The following CP variants were observed in gnomAD, a reference collection of about 807,000 sequenced individuals.
The protein encoded by CP is caeruloplasmin.
A neutral mutation model predicts 122.4 loss-of-function variants in CP; 64 were observed. That is an observed-to-expected ratio of 0.52 (90% CI 0.43 to 0.64). The LOEUF (loss-of-function observed/expected upper bound fraction) is 0.64, where lower values mean the gene tolerates loss of function less well. Among genes scored for constraint, CP ranks in the 30% least tolerant of loss-of-function variants. The pLI, the probability that CP is intolerant of heterozygous loss-of-function variation, is 0.00. For synonymous variants in CP, 440 were observed against 436.4 expected, an observed-to-expected ratio of 1.01 and a Z score of -0.10; for missense variants, 1,167 against 1,284.4, an observed-to-expected ratio of 0.91 and a Z score of 1.40.
intron 14 of CP, 32 bp downstream of exon 14, chr3:149,181,973 T>TGGGGGGG: frequency 4.4e-6 from 6 of 1,375,564 alleles, no homozygotes; most frequent in Middle Eastern, 2.5e-4. Flanking sequence ...CCTGTTAAAA[T>TGGGGGGG]GCACCACCCC....
chr3:149,188,009 T>C lies in CP; in HGVS notation c.1864+43A>G, dbSNP rs775192808. On this transcript the variant is annotated intron_variant, in intron 10 of 18. Transcript: ENST00000264613. Reference sequence around the variant, plus strand: ...TTAGTTAAAAGCATTACATATGCAGTACTAAAATAACTTGGTAGATTGGTG... The same window carrying C: ...TTAGTTAAAAGCATTACATATGCAGCACTAAAATAACTTGGTAGATTGGTG... 3.7e-6 allele frequency: 6 copies of C among 1,602,392 alleles called. 1 individual carries two copies. In the Middle Eastern group the frequency reaches 9.0e-4, roughly 241 times the overall value.
Position 149,176,407 on chromosome 3 carries a change from C to G in CP, c.3024G>C (p.Arg1008Ser). 6.2e-7 allele frequency: 1 copy of G among 1,607,284 alleles called. No homozygotes were observed. The highest frequency in any genetic ancestry group is 8.5e-7 in the Non-Finnish European group (1 of 1,173,996). ...CAAAGACATCAGAACTATAAACTCC[C>G]CTGTGCTTAATTAGAAAAATGACAA... Reference protein sequence around the residue: ...FHGHSFQYKHRGVYSSDVFDI... With the variant: ...FHGHSFQYKHSGVYSSDVFDI... The change falls in exon 18 of 19, where the codon AGG (arginine) becomes AGC (serine). Residue 1008 changes from arginine (R) to serine (S), a missense_variant. By Grantham distance (110) the Arg-to-Ser change is moderately radical (BLOSUM62 -1). Transcript: ENST00000264613.
At chr3:149,163,465 C>G (rs546528033) in intron 5 of CP, among the ~76,000 whole-genome samples, 28 of 152,276 alleles carry the variant, frequency 1.8e-4, no homozygotes, top group African/African-American at 6.5e-4. Context: ...CTTGAATAAG[C>G]AGGGCTTCTT....
At chr3:149,163,046 G>A (rs1020280193) in intron 5 of CP, among the ~76,000 whole-genome samples, 21 of 152,090 alleles carry the variant, frequency 1.4e-4, no homozygotes, top group African/African-American at 5.1e-4. Flanking sequence ...AACTGAAGTG[G>A]CCTACATTTT....
At chr3:149,210,098 T>G in intron 3 of CP, 69 bp downstream of exon 3, 1 of 1,510,016 alleles carries the variant, frequency 6.6e-7, no homozygotes, top group Admixed American at 1.7e-5. Flanking sequence ...CTTGATTTCT[T>G]TTTAAAAGAC....
intron 10 of CP, among the ~76,000 whole-genome samples, chr3:149,187,761 G>T (rs1726269417): frequency 6.6e-6 from 1 of 152,202 alleles, no homozygotes; most frequent in Admixed American, 6.5e-5. Flanking sequence ...GTAGGTCAGG[G>T]TAGGGGTCTA....
chr3:149,185,820 A>G (rs1231988048), intron 11 of CP, among the ~76,000 whole-genome samples: 1 of 152,160 alleles, frequency 6.6e-6, no homozygotes, highest in Admixed American at 6.5e-5. Flanking sequence ...CTTGACATAT[A>G]TGTATTAATA....
At chr3:149,209,973 C>T (rs537448143) in intron 3 of CP, among the ~76,000 whole-genome samples, 194 bp downstream of exon 3, 4 of 152,192 alleles carry the variant, frequency 2.6e-5, no homozygotes, top group South Asian at 4.2e-4. Context: ...GCATTTTCCC[C>T]GTAGGAATGC....
downstream of CP, among the ~76,000 whole-genome samples, chr3:149,167,655 C>A (rs951764696): frequency 2.6e-4 from 40 of 152,096 alleles, no homozygotes; most frequent in Non-Finnish European, 2.9e-5. Context: ...TGAAAATAGC[C>A]ATGTACATAT....
chr3:149,215,235 T>C (rs1728390299), intron 1 of CP, among the ~76,000 whole-genome samples: 1 of 152,234 alleles, frequency 6.6e-6, no homozygotes, highest in African/African-American at 2.4e-5. Flanking sequence ...TGTCCTATTT[T>C]GATAAACTAT....
Position 149,163,814 on chromosome 3 carries a change from G to T in CP, c.*14-939C>A, listed in dbSNP as rs200155649. 524 of 1,212,288 alleles carry T rather than the reference G, an allele frequency of 4.3e-4. 3 individuals carry two copies. Among genetic ancestry groups the T allele is most frequent in the Non-Finnish European group, 8.0e-5 (65 of 814,618 alleles). 75.1% of individuals were successfully genotyped at this position (1,212,288 alleles called of 1,614,324 possible). On this transcript the variant is annotated intron_variant, in intron 5 of 5. Coordinates refer to the CP transcript ENST00000479771. ...AAGCAAGCTTTTGTTGTTATATTTT[G>T]TTTATGAGAAATTCTTTTATGTTTT...
In CP at chr3:149,209,435, T is replaced by C. The variant is rs780521158; in HGVS notation, c.608-51A>G. ...AAGACTAAACTTTTAGCATGTATTTTGATTTATGTTTTCAGGTGATTTATA... is the reference window on the plus strand; with the variant it reads ...AAGACTAAACTTTTAGCATGTATTTCGATTTATGTTTTCAGGTGATTTATA... On this transcript the variant is annotated intron_variant, in intron 3 of 18. Coordinates refer to ENST00000264613, the MANE Select transcript of CP (RefSeq NM_000096.4). 10 of 1,542,716 alleles carry C rather than the reference T, an allele frequency of 6.5e-6. No individual in the cohort carries two copies. The African/African-American group carries it at 1.4e-4, about 21-fold the overall frequency.
At chr3:149,203,285 G>A (rs1468604843) in intron 6 of CP, among the ~76,000 whole-genome samples, 1 of 148,314 alleles carries the variant, frequency 6.7e-6, no homozygotes, top group African/African-American at 2.5e-5. Context: ...TGTTTTTGGA[G>A]CAGAGTCTCG....
chr3:149,188,490 C>CAAAAAAAAAAAAAAAA (rs60815739), intron 9 of CP, among the ~76,000 whole-genome samples: 4 of 46,100 alleles, frequency 8.7e-5, no homozygotes, highest in Non-Finnish European at 1.8e-4. Context: ...TTGAAGCCTC[C>CAAAAAAAAAAAAAAAA]AAAAAAAAAA....
At chr3:149,195,600 G>A (rs1466017682) in intron 9 of CP, among the ~76,000 whole-genome samples, 5 of 152,160 alleles carry the variant, frequency 3.3e-5, no homozygotes, top group East Asian at 1.9e-4. Flanking sequence ...ATACACACAC[G>A]TTTGTTTATT....
At chr3:149,214,083 G>A (rs1728294666) in intron 1 of CP, among the ~76,000 whole-genome samples, 1 of 152,152 alleles carries the variant, frequency 6.6e-6, no homozygotes, top group Non-Finnish European at 1.5e-5. Flanking sequence ...CTGCTCTGGG[G>A]CCCTGGGTAA....
At chr3:149,201,576 TG>T (rs1166996882) in intron 7 of CP, among the ~76,000 whole-genome samples, 1 of 151,786 alleles carries the variant, frequency 6.6e-6, no homozygotes, top group Non-Finnish European at 1.5e-5. Context: ...CAGGTCAGCA[TG>T]GGTTTTTGTT....
Position 149,179,662 on chromosome 3 carries a change from C to A in CP, c.2555G>T (p.Gly852Val). Residue 852 changes from glycine (G) to valine (V), a missense_variant and splice_region_variant, in exon 15 of 19, where the codon GGT becomes GTT. By Grantham distance (109) the Gly-to-Val change is moderately radical. This residue lies in a region of CP where 525 missense variants were observed against 657.2 expected (regional missense o/e 0.80). Coordinates refer to ENST00000264613, the MANE Select transcript of CP (RefSeq NM_000096.4). Reference sequence around the variant, plus strand: ...TTTCCATACGTAAGTGAGAGTTTCACCTAAATTCATCAAGTGTTAATGGAT... The same window carrying A: ...TTTCCATACGTAAGTGAGAGTTTCAACTAAATTCATCAAGTGTTAATGGAT... ...ESSTVTPTLP[G>V]ETLTYVWKIP... The A allele has an allele frequency of 6.2e-7, 1 of 1,606,860 alleles. No homozygotes were observed. Among genetic ancestry groups the A allele is most frequent in the Non-Finnish European group, 8.5e-7 (1 of 1,174,612 alleles).
At chr3:149,171,891 G>C (rs1466800129), downstream of CP, among the ~76,000 whole-genome samples, 1 of 152,004 alleles carries the variant, frequency 6.6e-6, no homozygotes, top group South Asian at 2.1e-4. Flanking sequence ...ATTTTTAGTA[G>C]AGACAGGGTT....
Sources: allele counts gnomAD v4.1 joint callset (sites outside exome capture counted in the v4.1 genomes callset), GRCh38; gene constraint gnomAD v4.1.1; regional missense constraint gnomAD v4.1.1; transcripts MANE v1.5; gene names NCBI Gene and HGNC (gene_info 2026-07-23, HGNC 2026-07-21).